Variants in ABCB11 observed in about 807,000 individuals in gnomAD.
ABCB11 encodes ATP binding cassette subfamily B member 11, also known as bile salt export pump.
A neutral mutation model predicts 148.0 loss-of-function variants in ABCB11; 95 were observed. The observed-to-expected ratio is 0.64, with a 90% CI of 0.54 to 0.76. The LOEUF is 0.76. Among genes scored for constraint, ABCB11 ranks in the 30% least tolerant of loss-of-function variants. ABCB11 has a pLI of 0.00. For missense variants in ABCB11, 1,523 were observed against 1,617.8 expected (o/e 0.94, Z 1.01); for synonymous variants, 591 against 555.4 (o/e 1.06, Z -0.90).
chr2:168,946,071 A>G (rs1304656822), intron 19 of ABCB11, among the ~76,000 whole-genome samples: 1 of 151,878 alleles, frequency 6.6e-6, no homozygotes, highest in Non-Finnish European at 1.5e-5. Flanking sequence ...TTACAATAAG[A>G]AAAATGAAAG....
At chr2:168,991,539 C>T (rs150235216) in intron 8 of ABCB11, among the ~76,000 whole-genome samples, 42 of 151,850 alleles carry the variant, frequency 2.8e-4, no homozygotes, top group Admixed American at 1.1e-3. Context: ...CAAAATGAAC[C>T]CCCAAAGAAA....
intron 25 of ABCB11, 101 bp from the exon 26 acceptor site, chr2:168,927,463 C>T: frequency 1.0e-6 from 1 of 954,476 alleles, no homozygotes. Context: ...ATTTGGTTTG[C>T]TTAACAGACT....
At chr2:168,996,839 T>C (rs1319123400) in intron 5 of ABCB11, 117 bp from the exon 6 acceptor site, 2 of 245,220 alleles carry the variant, frequency 8.2e-6, no homozygotes, top group African/African-American at 4.6e-5. Context: ...ATATATAATA[T>C]ATAATAAATA....
At position 168,964,218 on chromosome 2, in the gene ABCB11, T is replaced by G. The variant is rs1429037453; in HGVS notation, c.2166A>C (p.Glu722Asp). ...GTTGGTGCCTGACCTTTCTATCTTC[T>G]TCATAGGTAGACTTATGATCTACAA... ...LAVVDHKSTYEEDRKDKDIPV... is the reference protein window; with the variant it reads ...LAVVDHKSTYDEDRKDKDIPV... Residue 722 changes from glutamate to aspartate, a missense_variant, in exon 18 of 28, where the codon GAA (glutamate) becomes GAC (aspartate). Coordinates refer to ENST00000650372, the MANE Select transcript of ABCB11 (RefSeq NM_003742.4). 1 of 1,556,416 alleles carries G rather than the reference T, an allele frequency of 6.4e-7. No individual in the cohort carries two copies. The highest frequency in any genetic ancestry group is 8.7e-7 in the Non-Finnish European group (1 of 1,148,320).
intron 17 of ABCB11, among the ~76,000 whole-genome samples, chr2:168,965,896 G>A (rs1001753500): frequency 3.3e-5 from 5 of 151,836 alleles, no homozygotes; most frequent in Non-Finnish European, 7.4e-5. Flanking sequence ...CCCATTTTCT[G>A]TTAATGGCAC....
rs1247734675 is a variant in ABCB11 at position 168,996,634 on chromosome 2, C to G, written c.477+1G>C. The G allele has an allele frequency of 6.7e-7, 1 of 1,499,758 alleles. No individual in the cohort carries two copies. Among genetic ancestry groups the G allele is most frequent in the African/African-American group, 1.4e-5 (1 of 71,432 alleles). 92.9% of individuals were successfully genotyped at this position (1,499,758 alleles called of 1,614,324 possible). On this transcript the variant is annotated splice_donor_variant, in intron 6 of 27. Transcript: ENST00000650372. LOFTEE classifies it high-confidence loss of function. ...ATAAATTATACGGAGGAGCTACTAA[C>G]TTGAATATATCCTGTGATAAGTACT...
intron 1 of ABCB11, among the ~76,000 whole-genome samples, chr2:169,023,548 T>C (rs947773183): frequency 6.6e-6 from 1 of 152,230 alleles, no homozygotes. Flanking sequence ...CAATAATCTA[T>C]AGAATAGACA....
chr2:169,011,702 G>T (rs1695193659), intron 5 of ABCB11, among the ~76,000 whole-genome samples: 2 of 152,054 alleles, frequency 1.3e-5, no homozygotes, highest in Non-Finnish European at 2.9e-5. Flanking sequence ...TTCTGAGATG[G>T]GGTCTCATTC....
downstream of ABCB11, among the ~76,000 whole-genome samples, chr2:168,917,479 T>C (rs1481098773): frequency 1.3e-5 from 2 of 152,220 alleles, no homozygotes; most frequent in Non-Finnish European, 2.9e-5. Flanking sequence ...TATCATACTG[T>C]ATTTTGTTAC....
At chr2:168,974,483 G>A (rs1693726868) in intron 12 of ABCB11, among the ~76,000 whole-genome samples, 1 of 151,966 alleles carries the variant, frequency 6.6e-6, no homozygotes, top group Non-Finnish European at 1.5e-5. Context: ...TGGAAAATGT[G>A]GTTTGGGGTC....
intron 5 of ABCB11, among the ~76,000 whole-genome samples, chr2:169,001,536 A>G (rs779297014): frequency 6.6e-6 from 1 of 152,042 alleles, no homozygotes; most frequent in Non-Finnish European, 1.5e-5. Flanking sequence ...CATTGACACC[A>G]TGGGGGTGAG....
rs1351537325 is a variant in ABCB11 at position 169,024,976 on chromosome 2, C to T, written c.-28+6249G>A. Among the ~76,000 whole-genome samples the T allele has an allele frequency of 4.6e-5, 7 of 152,050 alleles. No homozygotes were observed. The South Asian group carries it at 1.5e-3, about 32-fold the overall frequency. Reference sequence around the variant, plus strand: ...ACTATAGCAGTATTATATTCAGAGACTGTAACATTTGCCGGTTACACAATT... The same window carrying T: ...ACTATAGCAGTATTATATTCAGAGATTGTAACATTTGCCGGTTACACAATT... On this transcript the variant is annotated intron_variant, in intron 1 of 27. Coordinates refer to ENST00000650372, the MANE Select transcript of ABCB11 (RefSeq NM_003742.4).
intron 1 of ABCB11, among the ~76,000 whole-genome samples, chr2:169,023,483 T>G (rs775708522): frequency 2.6e-5 from 4 of 152,224 alleles, no homozygotes; most frequent in Non-Finnish European, 5.9e-5. Context: ...TTTATTGCAG[T>G]ACTTCTTTGG....
chr2:169,008,437 T>A (rs11900829), intron 5 of ABCB11, among the ~76,000 whole-genome samples: 2,849 of 152,202 alleles, frequency 0.019, 86 homozygotes, highest in African/African-American at 0.064. Flanking sequence ...TTAGCAACCA[T>A]CCCTTTTAAG....
At chr2:169,020,639 T>C (rs1284150235) in intron 1 of ABCB11, among the ~76,000 whole-genome samples, 1 of 151,906 alleles carries the variant, frequency 6.6e-6, no homozygotes, top group African/African-American at 2.4e-5. Context: ...GACCACATAC[T>C]GTATGATTCC....
chr2:168,929,323 C>G (rs1388312805), intron 25 of ABCB11, among the ~76,000 whole-genome samples: 1 of 151,800 alleles, frequency 6.6e-6, no homozygotes, highest in African/African-American at 2.4e-5. Flanking sequence ...GCAAACGTTG[C>G]GAGTGACAGA....
intron 21 of ABCB11, among the ~76,000 whole-genome samples, chr2:168,939,694 AAAGAC>A (rs1439543083): frequency 6.6e-6 from 1 of 152,098 alleles, no homozygotes; most frequent in Non-Finnish European, 1.5e-5. Flanking sequence ...AAAGAAAAGA[AAAGAC>A]AAAATGATCT....
At chr2:168,924,844 A>G (rs1373923547) in intron 26 of ABCB11, 41 bp from the exon 27 acceptor site, 1 of 1,583,748 alleles carries the variant, frequency 6.3e-7, no homozygotes. Context: ...AGAAACAGTT[A>G]TTGCTCCTGT....
chr2:169,026,940 T>A (rs1248675431), intron 1 of ABCB11, among the ~76,000 whole-genome samples: 1 of 152,232 alleles, frequency 6.6e-6, no homozygotes, highest in East Asian at 1.9e-4. Flanking sequence ...TGTCACCTAG[T>A]TCTACTGTCT....
Sources: gnomAD v4.1 joint callset for allele counts (sites outside exome capture counted in the v4.1 genomes callset) on GRCh38, gnomAD v4.1.1 for gene constraint, MANE v1.5 for transcripts, NCBI Gene and HGNC (gene_info 2026-07-23, HGNC 2026-07-21) for gene names.